The following TPST1 variants were observed in gnomAD, a reference collection of about 807,000 sequenced individuals.
TPST1 encodes tyrosylprotein sulfotransferase 1.
A neutral mutation model predicts 34.8 loss-of-function variants in TPST1; 20 were observed. The observed-to-expected ratio is 0.57, with a 90% CI of 0.40 to 0.84. TPST1 has a LOEUF of 0.84. TPST1 is among the 40% of genes least tolerant of loss of function. The pLI, the probability that TPST1 is intolerant of heterozygous loss-of-function variation, is 0.00. For synonymous variants in TPST1, 152 were observed against 159.4 expected (o/e 0.95, Z 0.35); for missense variants, 353 against 455.5 (o/e 0.78, Z 2.05).
intron 3 of TPST1, among the ~76,000 whole-genome samples, chr7:66,321,302 T>C (rs1162671840): frequency 6.6e-6 from 1 of 152,232 alleles, no homozygotes; most frequent in Non-Finnish European, 1.5e-5. Flanking sequence ...TGAGCTTTTG[T>C]GTCCAGAGTT....
chr7:66,359,938 G>A lies in TPST1; in HGVS notation c.*73G>A. On this transcript the variant is annotated 3_prime_UTR_variant, in exon 6 of 6. Coordinates refer to ENST00000304842, the MANE Select transcript of TPST1 (RefSeq NM_003596.4). The stretch of plus-strand genomic sequence containing the variant: ...CAGCAGAAGGGAAATTCCTAGGATT[G>A]GCTGTCCCCTGCCAAGCTTGGTGGA... 1 of 456,746 alleles carries A rather than the reference G, an allele frequency of 2.2e-6. No individual in the cohort carries two copies. The highest frequency in any genetic ancestry group is 2.3e-5 in the Admixed American group (1 of 42,578). 28.3% of individuals were successfully genotyped at this position (456,746 alleles called of 1,614,324 possible). A position where few individuals can be genotyped will look rare whatever the true frequency, so the allele number is the denominator to read the frequency against.
In TPST1 at chr7:66,230,449, A is replaced by C. The variant is rs192294286; in HGVS notation, c.-101-9876A>C. ...GCGTCTGGAGTTTGTTCCTTCTGAC[A>C]TTCGGCTGTGTTCGGAGTTTCTTCC... On this transcript the variant is annotated intron_variant, in intron 1 of 5. Coordinates refer to ENST00000304842, the MANE Select transcript of TPST1 (RefSeq NM_003596.4). 2.4e-3 allele frequency among the ~76,000 whole-genome samples: 366 copies of C among 152,276 alleles called. 6 individuals are homozygous for C. Among genetic ancestry groups the C allele is most frequent in the Non-Finnish European group, 1.0e-3 (68 of 68,030 alleles).
intron 3 of TPST1, among the ~76,000 whole-genome samples, chr7:66,329,312 T>C (rs963465102): frequency 3.9e-5 from 6 of 152,142 alleles, no homozygotes; most frequent in African/African-American, 1.4e-4. Context: ...TCCAATTTTT[T>C]ATAGAGAAAC....
intron 3 of TPST1, among the ~76,000 whole-genome samples, chr7:66,328,089 C>T (rs191804840): frequency 1.4e-4 from 17 of 121,552 alleles, no homozygotes; most frequent in African/African-American, 5.1e-4. Flanking sequence ...TGCATTGGTG[C>T]GATCTCAGCT....
At chr7:66,239,909 T>G (rs576715456) in intron 1 of TPST1, among the ~76,000 whole-genome samples, 24 of 152,206 alleles carry the variant, frequency 1.6e-4, no homozygotes, top group African/African-American at 4.8e-4. Flanking sequence ...TGAGACAGAG[T>G]CTTGCTTTGT....
chr7:66,226,843 A>G (rs565944442), intron 1 of TPST1, among the ~76,000 whole-genome samples: 1 of 152,088 alleles, frequency 6.6e-6, no homozygotes, highest in Non-Finnish European at 1.5e-5. Context: ...AGTCCTTATG[A>G]AATCTCTGAA....
chr7:66,292,718 G>A lies in TPST1; in HGVS notation c.1044+6009G>A, dbSNP rs1468576129. On this transcript the variant is annotated intron_variant, in intron 3 of 5. Transcript: ENST00000304842. ...GCAATGCCTCGCCCTGCTTCGGCTC[G>A]CGCACGGTGCGCACACACACTGGCC... Among the ~76,000 whole-genome samples the A allele has an allele frequency of 7.9e-5, 11 of 138,770 alleles. 1 individual carries two copies. Among genetic ancestry groups the A allele is most frequent in the Admixed American group, 5.1e-4 (7 of 13,770 alleles). 91.0% of individuals were successfully genotyped at this position (138,770 alleles called of 152,430 possible). A position where few individuals can be genotyped will look rare whatever the true frequency, so the allele number is the denominator to read the frequency against.
chr7:66,266,528 C>G (rs992004117), intron 2 of TPST1, among the ~76,000 whole-genome samples: 1 of 152,186 alleles, frequency 6.6e-6, no homozygotes, highest in African/African-American at 2.4e-5. Context: ...ATATTCACAA[C>G]ATAAAGAAGT....
At chr7:66,292,847 C>T (rs1285080425) in intron 3 of TPST1, among the ~76,000 whole-genome samples, 3 of 151,718 alleles carry the variant, frequency 2.0e-5, no homozygotes, top group Non-Finnish European at 4.4e-5. Flanking sequence ...AGCTGTAGAC[C>T]GGAGCTGTTC....
Position 66,296,291 on chromosome 7 carries a change from A to G in TPST1, c.1044+9582A>G, listed in dbSNP as rs551708810. Reference sequence around the variant, plus strand: ...CGTCTCTGCCTATCTTTAAAGTGACAGATAATTTTGAGGAAGAAAAGATGA... The same window carrying G: ...CGTCTCTGCCTATCTTTAAAGTGACGGATAATTTTGAGGAAGAAAAGATGA... On this transcript the variant is annotated intron_variant, in intron 3 of 5. Coordinates refer to ENST00000304842, the MANE Select transcript of TPST1 (RefSeq NM_003596.4). 2.4e-3 allele frequency among the ~76,000 whole-genome samples: 290 copies of G among 121,984 alleles called. 1 individual carries two copies. The highest frequency in any genetic ancestry group is 3.6e-3 in the Non-Finnish European group (220 of 61,776). The allele number at this position is 121,984 out of a possible 152,430, so 80.0% of individuals were successfully genotyped here. A position where few individuals can be genotyped will look rare whatever the true frequency, so the allele number is the denominator to read the frequency against.
intron 1 of TPST1, among the ~76,000 whole-genome samples, chr7:66,211,227 C>G (rs995587731): frequency 6.6e-6 from 1 of 152,012 alleles, no homozygotes; most frequent in African/African-American, 2.4e-5. Flanking sequence ...CTCCGCCTCC[C>G]AGGTTGAAGC....
intron 3 of TPST1, among the ~76,000 whole-genome samples, chr7:66,350,242 T>C (rs1051626445): frequency 6.6e-6 from 1 of 152,172 alleles, no homozygotes; most frequent in Non-Finnish European, 1.5e-5. Context: ...CTCGAACTCC[T>C]GACCTCAGGT....
At chr7:66,264,483 C>G (rs1053836125) in intron 2 of TPST1, among the ~76,000 whole-genome samples, 3 of 152,166 alleles carry the variant, frequency 2.0e-5, no homozygotes, top group Non-Finnish European at 4.4e-5. Flanking sequence ...CAAACCTACC[C>G]AGAGCCCTTC....
intron 3 of TPST1, among the ~76,000 whole-genome samples, chr7:66,319,454 T>C (rs1791704442): frequency 6.6e-6 from 1 of 152,238 alleles, no homozygotes; most frequent in Non-Finnish European, 1.5e-5. Context: ...CAAAAGTTGA[T>C]CTGAAGTGTT....
chr7:66,331,873 C>T (rs542808637), intron 3 of TPST1, among the ~76,000 whole-genome samples: 9 of 151,970 alleles, frequency 5.9e-5, no homozygotes, highest in Non-Finnish European at 1.0e-4. Flanking sequence ...CATAGGAGCA[C>T]GAACACTTTT....
At chr7:66,309,778 T>G (rs1304146337) in intron 3 of TPST1, among the ~76,000 whole-genome samples, 1 of 152,214 alleles carries the variant, frequency 6.6e-6, no homozygotes, top group East Asian at 1.9e-4. Context: ...CCATATACTC[T>G]TGTGGGTGGA....
chr7:66,280,322 G>C (rs1337186349), intron 2 of TPST1, among the ~76,000 whole-genome samples: 1 of 152,210 alleles, frequency 6.6e-6, no homozygotes, highest in African/African-American at 2.4e-5. Flanking sequence ...TCCTGGGCCA[G>C]ATCTTGGGCC....
At chr7:66,293,131 G>T (rs573215216) in intron 3 of TPST1, among the ~76,000 whole-genome samples, 1 of 151,862 alleles carries the variant, frequency 6.6e-6, no homozygotes, top group East Asian at 1.9e-4. Flanking sequence ...GCATGAACCC[G>T]GGAGGCAGAG....
rs532589677 is a variant in TPST1, at chr7:66,351,057, C to T, written c.1045-1448C>T. Among the ~76,000 whole-genome samples the T allele has an allele frequency of 3.3e-5, 5 of 152,256 alleles. No individual in the cohort carries two copies. The East Asian group carries it at 9.6e-4, about 29-fold the overall frequency. ...TATCAAGACAGAAAATTACCAGCAC[C>T]CTGGAAGCCTCTCTCAGCTTCTCTC... On this transcript the variant is annotated intron_variant, in intron 3 of 5. Transcript: ENST00000304842.
Sources: gnomAD v4.1 joint callset for allele counts (sites outside exome capture counted in the v4.1 genomes callset) on GRCh38, gnomAD v4.1.1 for gene constraint, MANE v1.5 for transcripts, NCBI Gene and HGNC (gene_info 2026-07-23, HGNC 2026-07-21) for gene names.